The following MYO1B variants were observed in gnomAD, a reference collection of about 807,000 sequenced individuals.
The protein encoded by MYO1B is myosin IB.
A neutral mutation model predicts 159.7 loss-of-function variants in MYO1B; 72 were observed. That is an observed-to-expected ratio of 0.45 (90% CI 0.37 to 0.55). The LOEUF (loss-of-function observed/expected upper bound fraction) is 0.55. MYO1B is among the 20% of genes least tolerant of loss of function. The pLI is 0.00. For synonymous variants in MYO1B, 468 were observed against 473.8 expected, an observed-to-expected ratio of 0.99 and a Z score of 0.16; for missense variants, 1,062 against 1,364.8, an observed-to-expected ratio of 0.78 and a Z score of 3.50.
Position 191,392,092 on chromosome 2 carries a change from A to G in MYO1B, c.1983-16A>G. 3 of 1,575,444 alleles carry G rather than the reference A, an allele frequency of 1.9e-6. No homozygotes were observed. The highest frequency in any genetic ancestry group is 2.3e-5 in the East Asian group (1 of 44,390). On this transcript the variant is annotated splice_polypyrimidine_tract_variant and intron_variant, in intron 18 of 30. Coordinates refer to ENST00000392318, the MANE Select transcript of MYO1B (RefSeq NM_001130158.3). ...GTAACTCAGAAAACTCACTGTTTTT[A>G]TTTTTATTTTTTTAGGTCTGGTGTG...
chr2:191,355,244 C>T (rs1247165382), intron 7 of MYO1B, among the ~76,000 whole-genome samples: 1 of 152,216 alleles, frequency 6.6e-6, no homozygotes, highest in African/African-American at 2.4e-5. Flanking sequence ...ACAACCAACC[C>T]ATGAGCAAGC....
At position 191,260,028 on chromosome 2, in the gene MYO1B, GA is replaced by G. The variant is rs556503764; in HGVS notation, c.-10+14404del. Among the ~76,000 whole-genome samples, 7 of 152,110 alleles carry G rather than the reference GA, an allele frequency of 4.6e-5. No homozygotes were observed. In the East Asian group the frequency reaches 1.4e-3, roughly 29 times the overall value. ...TGCTTAGAGGGTAGAGTGAGAAGAG[GA>G]AGGCGGAGGATAGAACTCTGGGAAC... On this transcript the variant is annotated intron_variant, in intron 1 of 30. Coordinates refer to ENST00000392318, the MANE Select transcript of MYO1B (RefSeq NM_001130158.3).
Position 191,390,509 on chromosome 2 carries a change from C to T in MYO1B, c.1982+17C>T, listed in dbSNP as rs1300492976. The T allele has an allele frequency of 6.2e-7, 1 of 1,605,552 alleles. No individual in the cohort carries two copies. The highest frequency in any genetic ancestry group is 2.2e-5 in the East Asian group (1 of 44,752). On this transcript the variant is annotated intron_variant, in intron 18 of 30. Transcript: ENST00000392318. ...ACCAGCCAGGTAAGAAATTCAGTGACCATATTTAATAATGAATGTTTTAAG... is the reference window on the plus strand; with the variant it reads ...ACCAGCCAGGTAAGAAATTCAGTGATCATATTTAATAATGAATGTTTTAAG...
intron 5 of MYO1B, among the ~76,000 whole-genome samples, chr2:191,343,876 G>T (rs893345822): frequency 6.6e-5 from 10 of 152,086 alleles, no homozygotes; most frequent in African/African-American, 2.4e-4. Flanking sequence ...TTAGAACAAT[G>T]AACTTTAAAA....
intron 7 of MYO1B, among the ~76,000 whole-genome samples, chr2:191,353,011 A>G (rs776633468): frequency 1.3e-5 from 2 of 152,194 alleles, no homozygotes; most frequent in African/African-American, 2.4e-5. Flanking sequence ...AAAAGGCACA[A>G]TATCCCTTGA....
intron 1 of MYO1B, among the ~76,000 whole-genome samples, chr2:191,250,852 C>T (rs774979478): frequency 9.9e-5 from 15 of 152,128 alleles, no homozygotes; most frequent in Non-Finnish European, 1.8e-4. Context: ...TACTGTGGAG[C>T]TTTGGGCAAA....
At chr2:191,280,705 G>A (rs1265083326) in intron 2 of MYO1B, among the ~76,000 whole-genome samples, 1 of 152,200 alleles carries the variant, frequency 6.6e-6, no homozygotes, top group Non-Finnish European at 1.5e-5. Context: ...TAGGCTGTAT[G>A]TGAGGGGGTG....
At chr2:191,326,206 C>G (rs942351812) in intron 3 of MYO1B, among the ~76,000 whole-genome samples, 25 of 152,148 alleles carry the variant, frequency 1.6e-4, no homozygotes, top group African/African-American at 6.0e-4. Flanking sequence ...TAACTAAAGA[C>G]TTCTCTAAAG....
intron 2 of MYO1B, 39 bp downstream of exon 2, chr2:191,277,069 T>C (rs755308157): frequency 1.3e-6 from 2 of 1,591,066 alleles, no homozygotes; most frequent in South Asian, 2.3e-5. Flanking sequence ...GTTTAGACTT[T>C]GTATTTTGTG....
chr2:191,306,620 G>A (rs1275463596), intron 3 of MYO1B, among the ~76,000 whole-genome samples: 2 of 152,068 alleles, frequency 1.3e-5, no homozygotes, highest in Non-Finnish European at 2.9e-5. Flanking sequence ...TCTGAGGATG[G>A]GAGGGACACT....
At chr2:191,294,178 C>G (rs1215971002) in intron 2 of MYO1B, among the ~76,000 whole-genome samples, 1 of 152,118 alleles carries the variant, frequency 6.6e-6, no homozygotes, top group African/African-American at 2.4e-5. Context: ...ATTACTGTGG[C>G]TTTTGATTTT....
At chr2:191,296,301 T>A in intron 3 of MYO1B, 75 bp downstream of exon 3, 13 of 669,478 alleles carry the variant, frequency 1.9e-5, no homozygotes, top group South Asian at 5.1e-5. Flanking sequence ...TGCAGCTGTC[T>A]CCTTTGAATT....
At chr2:191,398,725 G>A (rs1257146965) in intron 21 of MYO1B, among the ~76,000 whole-genome samples, 1 of 151,626 alleles carries the variant, frequency 6.6e-6, no homozygotes, top group South Asian at 2.1e-4. Flanking sequence ...GGGAAGAGGC[G>A]CTCCTCGCTT....
chr2:191,292,667 C>G (rs1688754166), intron 2 of MYO1B, among the ~76,000 whole-genome samples: 1 of 149,394 alleles, frequency 6.7e-6, no homozygotes, highest in Non-Finnish European at 1.5e-5. Context: ...ACCCCCACTT[C>G]CCATCATGGC....
At chr2:191,301,080 G>A (rs186230303) in intron 3 of MYO1B, among the ~76,000 whole-genome samples, 18 of 152,154 alleles carry the variant, frequency 1.2e-4, no homozygotes, top group Middle Eastern at 6.8e-3. Flanking sequence ...AACTGTCCCC[G>A]TTACGTGTGA....
At chr2:191,269,055 T>C (rs1428841136) in intron 1 of MYO1B, among the ~76,000 whole-genome samples, 1 of 152,220 alleles carries the variant, frequency 6.6e-6, no homozygotes. Context: ...GTGTACAGTT[T>C]AGTCACATTA....
chr2:191,424,077 G>T lies in MYO1B; in HGVS notation c.*117G>T. 2 of 1,219,124 alleles carry T rather than the reference G, an allele frequency of 1.6e-6. No individual in the cohort carries two copies. The highest frequency in any genetic ancestry group is 2.3e-6 in the Non-Finnish European group (2 of 880,076). 75.5% of individuals were successfully genotyped at this position (1,219,124 alleles called of 1,614,324 possible). On this transcript the variant is annotated 3_prime_UTR_variant, in exon 31 of 31. Transcript: ENST00000392318. Reference sequence around the variant, plus strand: ...TCACCAAAGGCTTTTAGAGTTCTTTGGCAAAATAAAAATATTTGACTAATC... The same window carrying T: ...TCACCAAAGGCTTTTAGAGTTCTTTTGCAAAATAAAAATATTTGACTAATC...
intron 3 of MYO1B, among the ~76,000 whole-genome samples, chr2:191,322,536 G>A (rs1449636018): frequency 6.6e-6 from 1 of 152,122 alleles, no homozygotes; most frequent in Admixed American, 6.6e-5. Context: ...GCAGACTTGA[G>A]GATGTCCATT....
At chr2:191,250,459 A>G (rs868154624) in intron 1 of MYO1B, among the ~76,000 whole-genome samples, 12 of 152,286 alleles carry the variant, frequency 7.9e-5, no homozygotes, top group Admixed American at 2.6e-4. Context: ...TCTCTTCTCT[A>G]CACACCTGCC....
Sources: gnomAD v4.1 joint callset for allele counts (sites outside exome capture counted in the v4.1 genomes callset) on GRCh38, gnomAD v4.1.1 for gene constraint, MANE v1.5 for transcripts, NCBI Gene and HGNC (gene_info 2026-07-23, HGNC 2026-07-21) for gene names.